COXFA4L2: variants seen among roughly 807,000 people sequenced by gnomAD.
COXFA4L2 encodes cytochrome c oxidase hypoxia associated subunit FA4L2.
chr12:57,235,339 C>A, the COXFA4L2 span: 1 of 595,518 alleles, frequency 1.7e-6, no homozygotes, highest in Non-Finnish European at 3.0e-6. Context: ...GCCTCCTCCT[C>A]CCCCACGTGG....
At chr12:57,237,311 G>C in the COXFA4L2 span, 18 of 1,427,940 alleles carry the variant, frequency 1.3e-5, no homozygotes, top group Non-Finnish European at 1.5e-5. Context: ...TCTGCTCTCC[G>C]ACTCTCTCCT....
chr12:57,235,438 C>T, the COXFA4L2 span: 38 of 1,067,394 alleles, frequency 3.6e-5, no homozygotes, highest in South Asian at 1.0e-4. Context: ...CGTGGGAACC[C>T]GGCCTGTGTA....
At chr12:57,235,139 C>T in the COXFA4L2 span, 5 of 209,064 alleles carry the variant, frequency 2.4e-5, no homozygotes, top group Non-Finnish European at 4.9e-5. Flanking sequence ...GCAGCGCCGC[C>T]CCTGGGCTGG....
the COXFA4L2 span, chr12:57,235,614 A>G: frequency 8.7e-6 from 14 of 1,614,140 alleles, no homozygotes; most frequent in Middle Eastern, 3.3e-4. Context: ...TGGAAACTGC[A>G]AGGAACTAAG....
the COXFA4L2 span, chr12:57,240,031 G>C: frequency 6.6e-6 from 1 of 152,172 alleles, no homozygotes; most frequent in Non-Finnish European, 1.5e-5. Flanking sequence ...GCGCAGCGTT[G>C]ATCTTCCCGC....
the COXFA4L2 span, chr12:57,237,204 C>G: frequency 1.3e-6 from 2 of 1,581,364 alleles, no homozygotes; most frequent in Non-Finnish European, 1.7e-6. Context: ...TGGCCCAGCC[C>G]GTGCTTCTTT....
chr12:57,237,427 A>G, the COXFA4L2 span: 4 of 1,115,842 alleles, frequency 3.6e-6, no homozygotes, highest in South Asian at 5.8e-5. Flanking sequence ...GGGAGGAGGC[A>G]TGGCCATGGG....
At chr12:57,237,026 C>T in the COXFA4L2 span, 2 of 1,614,194 alleles carry the variant, frequency 1.2e-6, no homozygotes, top group South Asian at 1.1e-5. Flanking sequence ...TCTGAGGACT[C>T]ACCCCCGGAT....
the COXFA4L2 span, chr12:57,235,169 C>T: frequency 4.2e-6 from 1 of 239,526 alleles, no homozygotes; most frequent in South Asian, 6.4e-5. Context: ...CCTGGGCTAA[C>T]GTGGAGCCCG....
chr12:57,235,788 C>T, the COXFA4L2 span: 86 of 1,558,198 alleles, frequency 5.5e-5, no homozygotes, highest in Non-Finnish European at 6.7e-5. Context: ...TCCAGGGCTC[C>T]GGGTTGTTCT....
the COXFA4L2 span, chr12:57,239,508 G>A: frequency 6.6e-6 from 1 of 152,482 alleles, no homozygotes; most frequent in African/African-American, 2.4e-5. The surrounding 1 kb of genome is among the most constrained non-coding windows in gnomAD (Gnocchi z 5.5). Context: ...CCTCTTCTGG[G>A]GTTGGGCATC....
the COXFA4L2 span, among the ~76,000 whole-genome samples, chr12:57,238,535 A>G: frequency 1.3e-5 from 2 of 152,144 alleles, no homozygotes; most frequent in African/African-American, 4.8e-5. The surrounding 1 kb of genome is among the most constrained non-coding windows in gnomAD (Gnocchi z 6.8). Context: ...CCAGCCCTCC[A>G]GTCTCTGGGA....
At chr12:57,235,828 G>T in the COXFA4L2 span, 2 of 1,520,056 alleles carry the variant, frequency 1.3e-6, no homozygotes, top group East Asian at 2.3e-5. Flanking sequence ...CAGGAGGGGG[G>T]AGGGTTAGGG....
At chr12:57,235,421 C>T in the COXFA4L2 span, 3 of 887,348 alleles carry the variant, frequency 3.4e-6, no homozygotes, top group African/African-American at 1.6e-5. Flanking sequence ...GAGCAGCCTC[C>T]CCTCTGCGTG....
At chr12:57,236,424 G>T in the COXFA4L2 span, 2 of 568,880 alleles carry the variant, frequency 3.5e-6, no homozygotes, top group Non-Finnish European at 6.1e-6. Context: ...AGGTGGGCTG[G>T]AGGGGATACG....
At chr12:57,238,647 G>A in the COXFA4L2 span, among the ~76,000 whole-genome samples, 2 of 152,170 alleles carry the variant, frequency 1.3e-5, no homozygotes, top group African/African-American at 2.4e-5. This position sits in a 1 kb window ranked among gnomAD's most constrained non-coding sequence, Gnocchi z 6.8. Flanking sequence ...CGGAAGGGGC[G>A]CCTGGTCCTT....
At chr12:57,239,235 C>T in the COXFA4L2 span, among the ~76,000 whole-genome samples, 1 of 152,218 alleles carries the variant, frequency 6.6e-6, no homozygotes, top group Non-Finnish European at 1.5e-5. This position sits in a 1 kb window ranked among gnomAD's most constrained non-coding sequence, Gnocchi z 5.5. Context: ...CCCTGGAGGC[C>T]GAGCGGCCCC....
At chr12:57,235,532 G>A in the COXFA4L2 span, 507 of 1,610,536 alleles carry the variant, frequency 3.1e-4, 1 homozygote, top group Middle Eastern at 4.3e-3. Flanking sequence ...GGCTGGCTGT[G>A]GCTTGCATGG....
chr12:57,235,906 C>A, the COXFA4L2 span: 2 of 1,130,790 alleles, frequency 1.8e-6, no homozygotes, highest in Non-Finnish European at 2.4e-6. Flanking sequence ...AGGCTCTGGC[C>A]CCACCCCAGT....
Sources: allele counts gnomAD v4.1 joint callset (sites outside exome capture counted in the v4.1 genomes callset), GRCh38; gene constraint gnomAD v4.1.1; non-coding constraint Gnocchi (gnomAD v3.1); transcripts MANE v1.5; gene names NCBI Gene and HGNC (gene_info 2026-07-23, HGNC 2026-07-21).